The following RPS6KC1 variants were observed in gnomAD, a reference collection of about 807,000 sequenced individuals.
RPS6KC1 encodes inactive ribosomal protein S6 kinase delta-1.
RPS6KC1 carries 54 observed loss-of-function variants against 103.8 expected under a neutral mutation model. The observed-to-expected ratio is 0.52, with a 90% CI of 0.42 to 0.65. The LOEUF (loss-of-function observed/expected upper bound fraction) is 0.65. Among genes scored for constraint, RPS6KC1 ranks in the 30% least tolerant of loss-of-function variants. RPS6KC1 has a pLI of 0.00. For synonymous variants in RPS6KC1, 439 were observed against 438.7 expected (o/e 1.00, Z -0.01); for missense variants, 1,151 against 1,253.8 (o/e 0.92, Z 1.24).
the RPS6KC1 span, among the ~76,000 whole-genome samples, chr1:213,686,936 A>G: frequency 2.7e-5 from 4 of 150,654 alleles, no homozygotes; most frequent in African/African-American, 7.4e-5. Flanking sequence ...CTTTTAGACC[A>G]TATGGGGTAA....
At chr1:213,126,359 T>C (rs1210822472) in intron 5 of RPS6KC1, among the ~76,000 whole-genome samples, 1 of 152,154 alleles carries the variant, frequency 6.6e-6, no homozygotes, top group East Asian at 1.9e-4. Context: ...GAATCTCATT[T>C]GAGATTGTCG....
At chr1:213,563,770 A>G in the RPS6KC1 span, among the ~76,000 whole-genome samples, 53 of 152,122 alleles carry the variant, frequency 3.5e-4, no homozygotes, top group Middle Eastern at 3.2e-3. Flanking sequence ...AGGAGCTTAA[A>G]ACATTTTAAT....
chr1:213,092,313 C>T (rs909560743), intron 3 of RPS6KC1, among the ~76,000 whole-genome samples: 2 of 152,184 alleles, frequency 1.3e-5, no homozygotes, highest in Admixed American at 1.3e-4. Flanking sequence ...GAATGTTTCT[C>T]TATCTGTGAT....
chr1:213,804,339 T>G, the RPS6KC1 span, among the ~76,000 whole-genome samples: 1 of 152,148 alleles, frequency 6.6e-6, no homozygotes, highest in African/African-American at 2.4e-5. Context: ...TTCACTTATT[T>G]CATTCACTCA....
chr1:213,859,513 C>A, the RPS6KC1 span, among the ~76,000 whole-genome samples: 1 of 152,166 alleles, frequency 6.6e-6, no homozygotes. Context: ...AAAGACGCAC[C>A]TCTGCCATTG....
chr1:213,129,063 G>A (rs753726489), intron 5 of RPS6KC1, among the ~76,000 whole-genome samples: 1 of 152,102 alleles, frequency 6.6e-6, no homozygotes, highest in Admixed American at 6.6e-5. Flanking sequence ...AGGCTGAAGT[G>A]GGAGGATTGC....
the RPS6KC1 span, among the ~76,000 whole-genome samples, chr1:213,310,911 C>T: frequency 6.6e-6 from 1 of 152,132 alleles, no homozygotes; most frequent in African/African-American, 2.4e-5. Context: ...TCCTGTGCTC[C>T]GTTCCTGTCC....
chr1:213,103,345 T>A (rs1468784692), intron 3 of RPS6KC1, among the ~76,000 whole-genome samples: 1 of 152,210 alleles, frequency 6.6e-6, no homozygotes, highest in Non-Finnish European at 1.5e-5. Flanking sequence ...AACTTGAAGA[T>A]TCAAAGAACC....
chr1:213,647,199 C>A, the RPS6KC1 span, among the ~76,000 whole-genome samples: 8 of 152,226 alleles, frequency 5.3e-5, no homozygotes, highest in African/African-American at 1.9e-4. Flanking sequence ...GTATGAGCCA[C>A]CACACCCGAC....
At chr1:213,242,378 G>T in intron 11 of RPS6KC1, 81 bp downstream of exon 11, 1 of 1,481,054 alleles carries the variant, frequency 6.8e-7, no homozygotes, top group Non-Finnish European at 9.4e-7. Context: ...CTTGTAATTA[G>T]TATCTTCATT....
the RPS6KC1 span, among the ~76,000 whole-genome samples, chr1:213,700,911 T>C: frequency 6.6e-6 from 1 of 152,032 alleles, no homozygotes; most frequent in African/African-American, 2.4e-5. Context: ...TTTTGTACAC[T>C]TCAATGTTAG....
chr1:213,206,908 T>C lies in RPS6KC1; in HGVS notation c.1045-23589T>C, dbSNP rs530519510. Among the ~76,000 whole-genome samples the C allele has an allele frequency of 8.5e-5, 13 of 152,192 alleles. 1 individual carries two copies. In the South Asian group the frequency reaches 2.5e-3, roughly 29 times the overall value. ...TGGGCGGATCACGAGGTCAGGAGTT[T>C]GAGACCAGCGTGGCCAGCATGGTGA... On this transcript the variant is annotated intron_variant, in intron 8 of 14. Coordinates refer to ENST00000366960, the MANE Select transcript of RPS6KC1 (RefSeq NM_012424.6).
chr1:213,722,911 G>A, the RPS6KC1 span, among the ~76,000 whole-genome samples: 1 of 152,204 alleles, frequency 6.6e-6, no homozygotes, highest in East Asian at 1.9e-4. Flanking sequence ...GGGCAAGGTG[G>A]CTCATGCCAG....
intron 10 of RPS6KC1, among the ~76,000 whole-genome samples, chr1:213,234,164 C>A (rs2094170882): frequency 6.6e-6 from 1 of 151,924 alleles, no homozygotes; most frequent in African/African-American, 2.4e-5. Context: ...CGTGCACCAC[C>A]ACATCTGGCT....
At chr1:213,056,497 A>C (rs1162276415) in intron 1 of RPS6KC1, among the ~76,000 whole-genome samples, 2 of 152,220 alleles carry the variant, frequency 1.3e-5, no homozygotes, top group African/African-American at 4.8e-5. Context: ...AGTTTGGCAA[A>C]AGTGATGGAT....
At chr1:213,775,700 A>G in the RPS6KC1 span, among the ~76,000 whole-genome samples, 69 of 152,304 alleles carry the variant, frequency 4.5e-4, no homozygotes, top group African/African-American at 1.6e-3. Flanking sequence ...CAAGAGTGGC[A>G]ATTTTTAAAA....
intron 4 of RPS6KC1, among the ~76,000 whole-genome samples, chr1:213,116,304 G>A (rs2083602681): frequency 6.7e-6 from 1 of 150,026 alleles, no homozygotes; most frequent in African/African-American, 2.5e-5. Context: ...TTACCATTAT[G>A]TAATGGCCTT....
the RPS6KC1 span, among the ~76,000 whole-genome samples, chr1:213,769,351 TGGGA>T: frequency 9.9e-4 from 151 of 152,280 alleles, no homozygotes; most frequent in African/African-American, 3.4e-3. Context: ...TTCGATAGTA[TGGGA>T]GGAGACCCAG....
chr1:213,566,437 G>GTTTTTTT, the RPS6KC1 span, among the ~76,000 whole-genome samples: 4 of 48,512 alleles, frequency 8.2e-5, no homozygotes, highest in East Asian at 9.2e-4. Flanking sequence ...TCAGCCTTTA[G>GTTTTTTT]TTTTTTTTTT....
Sources: gnomAD v4.1 joint callset for allele counts (sites outside exome capture counted in the v4.1 genomes callset) on GRCh38, gnomAD v4.1.1 for gene constraint, MANE v1.5 for transcripts, NCBI Gene and HGNC (gene_info 2026-07-23, HGNC 2026-07-21) for gene names.